The following EXOSC10 variants were observed in gnomAD, a reference collection of about 807,000 sequenced individuals.
The protein encoded by EXOSC10 is exosome complex component 10.
A neutral mutation model predicts 126.6 loss-of-function variants in EXOSC10; 94 were observed. The ratio of observed to expected loss-of-function variants is 0.74; its 90% CI spans 0.63 to 0.88. EXOSC10 has a LOEUF of 0.88. Among genes scored for constraint, EXOSC10 ranks in the 40% least tolerant of loss-of-function variants. EXOSC10 has a pLI of 0.00. For synonymous variants in EXOSC10, 395 were observed against 400.8 expected, an observed-to-expected ratio of 0.99 and a Z score of 0.17; for missense variants, 1,041 against 1,100.5, an observed-to-expected ratio of 0.95 and a Z score of 0.77.
intron 3 of EXOSC10, among the ~76,000 whole-genome samples, chr1:11,092,038 A>C (rs1640835048): frequency 6.6e-6 from 1 of 152,212 alleles, no homozygotes; most frequent in African/African-American, 2.4e-5. Context: ...CATTTGTGTA[A>C]GAAAATATAC....
chr1:11,089,309 C>G (rs1640668689), intron 6 of EXOSC10, among the ~76,000 whole-genome samples: 1 of 147,646 alleles, frequency 6.8e-6, no homozygotes, highest in Admixed American at 6.8e-5. Flanking sequence ...GGAGGAAAGA[C>G]AAATTTAAGA....
At position 11,091,488 on chromosome 1, in the gene EXOSC10, C is replaced by T. The variant is rs765600601; in HGVS notation, c.477+5G>A. The T allele has an allele frequency of 3.7e-6, 6 of 1,612,908 alleles. No individual in the cohort carries two copies. The Admixed American group carries it at 5.0e-5, about 13-fold the overall frequency. ...AGAGCTCTAGTTAATCTGAAAAGCC[C>T]TCACCTTACGGTTCCAGCTGGACAC... On this transcript the variant is annotated splice_donor_5th_base_variant and intron_variant, in intron 4 of 24. Coordinates refer to ENST00000376936, the MANE Select transcript of EXOSC10 (RefSeq NM_001001998.3).
At chr1:11,094,710 C>T (rs180976997) in intron 3 of EXOSC10, among the ~76,000 whole-genome samples, 227 of 151,942 alleles carry the variant, frequency 1.5e-3, no homozygotes, top group Middle Eastern at 3.4e-3. Context: ...AAGCGATTCT[C>T]CTGCCTCAGC....
At chr1:11,088,933 G>A (rs1640645285) in intron 6 of EXOSC10, among the ~76,000 whole-genome samples, 1 of 152,130 alleles carries the variant, frequency 6.6e-6, no homozygotes, top group African/African-American at 2.4e-5. Context: ...TCATAAATGA[G>A]CCTTGGGCTG....
chr1:11,098,267 A>G, intron 1 of EXOSC10, 111 bp from the exon 2 acceptor site: 1 of 1,340,814 alleles, frequency 7.5e-7, no homozygotes, highest in Non-Finnish European at 9.8e-7. Context: ...CCATCAAAAA[A>G]AGCACTCATT....
intron 9 of EXOSC10, among the ~76,000 whole-genome samples, chr1:11,086,824 G>A (rs1477350950): frequency 6.6e-6 from 1 of 152,140 alleles, no homozygotes; most frequent in Admixed American, 6.6e-5. Context: ...AAAGCAGTGC[G>A]TAGAGGGAAA....
At chr1:11,066,835 A>G in intron 24 of EXOSC10, 87 bp from the exon 25 acceptor site, 3 of 1,498,638 alleles carry the variant, frequency 2.0e-6, no homozygotes, top group Non-Finnish European at 1.9e-6. Flanking sequence ...AATCTTAATC[A>G]TGCAGAACAG....
chr1:11,067,266 C>T (rs2100934677), intron 24 of EXOSC10, among the ~76,000 whole-genome samples: 1 of 151,976 alleles, frequency 6.6e-6, no homozygotes, highest in East Asian at 1.9e-4. Flanking sequence ...CCCGTCTCTA[C>T]TAAAAAATAC....
intron 14 of EXOSC10, among the ~76,000 whole-genome samples, chr1:11,079,046 T>C (rs1174529969): frequency 2.6e-5 from 4 of 152,118 alleles, no homozygotes; most frequent in African/African-American, 9.7e-5. Flanking sequence ...ACAGGCCTGC[T>C]AAAGTTGGGC....
At chr1:11,066,987 G>A (rs1471606662) in intron 24 of EXOSC10, among the ~76,000 whole-genome samples, 1 of 152,154 alleles carries the variant, frequency 6.6e-6, no homozygotes, top group Non-Finnish European at 1.5e-5. Context: ...TTAATTATTA[G>A]GATTTTATGT....
rs1046638008 is a variant in EXOSC10 at position 11,070,984 on chromosome 1, G to A, written c.2243-11C>T. 1.9e-6 allele frequency: 3 copies of A among 1,613,226 alleles called. No individual in the cohort carries two copies. Among genetic ancestry groups the A allele is most frequent in the South Asian group, 1.1e-5 (1 of 91,050 alleles). On this transcript the variant is annotated splice_polypyrimidine_tract_variant and intron_variant, in intron 20 of 24. Transcript: ENST00000376936. ...CCTGTTCCCGGGCAGCTGCAAGGGA[G>A]AGAACTTGTCTCTGGAGTTGGTGAA...
At chr1:11,090,052 C>A (rs1181940033) in intron 6 of EXOSC10, among the ~76,000 whole-genome samples, 1 of 144,492 alleles carries the variant, frequency 6.9e-6, no homozygotes, top group African/African-American at 2.6e-5. Context: ...GGCTGGAGTG[C>A]AGTGACGCCA....
intron 3 of EXOSC10, among the ~76,000 whole-genome samples, chr1:11,094,804 T>C (rs1017333327): frequency 2.0e-5 from 3 of 151,994 alleles, no homozygotes; most frequent in Admixed American, 1.3e-4. Flanking sequence ...TTTCACCATG[T>C]TGGCCAGACT....
chr1:11,095,857 A>T lies in EXOSC10; in HGVS notation c.273T>A (p.His91Gln). Reference protein sequence around the residue: ...LQCMSRVMQYHGCRSNIKDRS... With the variant: ...LQCMSRVMQYQGCRSNIKDRS... The stretch of plus-strand genomic sequence containing the variant: ...GATCCTTAATGTTGCTGCGACACCC[A>T]TGGTACTGCATTACTCTGCTCATGC... Residue 91 changes from histidine (H) to glutamine (Q), a missense_variant, in exon 3 of 25, where the codon CAT becomes CAA. Around this residue, in one of 3 missense-constraint regions of EXOSC10, gnomAD observed 645 missense variants for 656.3 expected, o/e 0.98. Transcript: ENST00000376936. 6.2e-7 allele frequency: 1 copy of T among 1,613,854 alleles called. No individual in the cohort carries two copies. The highest frequency in any genetic ancestry group is 8.5e-7 in the Non-Finnish European group (1 of 1,179,716).
At chr1:11,095,707 C>T (rs1315313757) in intron 3 of EXOSC10, 51 bp downstream of exon 3, 2 of 1,552,960 alleles carry the variant, frequency 1.3e-6, no homozygotes, top group Non-Finnish European at 1.8e-6. Context: ...GAGCGAGACT[C>T]CGTCTCAAAA....
At chr1:11,075,003 CTTAA>C (rs550768362) in intron 17 of EXOSC10, among the ~76,000 whole-genome samples, 87 of 152,272 alleles carry the variant, frequency 5.7e-4, no homozygotes, top group African/African-American at 2.0e-3. Flanking sequence ...AACATGAGGT[CTTAA>C]TTGATGCCTG....
intron 16 of EXOSC10, 83 bp from the exon 17 acceptor site, chr1:11,077,031 C>A (rs1639857373): frequency 9.6e-7 from 1 of 1,039,438 alleles, no homozygotes; most frequent in Non-Finnish European, 1.5e-6. Flanking sequence ...TAGTGTAGTC[C>A]CCTAGGCTGG....
At chr1:11,095,668 C>T (rs1265669546) in intron 3 of EXOSC10, 90 bp downstream of exon 3, 44 of 1,195,012 alleles carry the variant, frequency 3.7e-5, no homozygotes, top group African/African-American at 6.0e-5. Flanking sequence ...GAGTCGAGAT[C>T]GCATCACTGC....
intron 9 of EXOSC10, 64 bp from the exon 10 acceptor site, chr1:11,082,942 T>A (rs1640250876): frequency 7.7e-7 from 1 of 1,294,690 alleles, no homozygotes; most frequent in Middle Eastern, 1.9e-4. Flanking sequence ...AGAAATTAAC[T>A]CTGCCTCTAG....
Sources: gnomAD v4.1 joint callset for allele counts (sites outside exome capture counted in the v4.1 genomes callset) on GRCh38, gnomAD v4.1.1 for gene constraint, gnomAD v4.1.1 regional missense constraint, MANE v1.5 for transcripts, NCBI Gene and HGNC (gene_info 2026-07-23, HGNC 2026-07-21) for gene names.